OR52N2: variants seen among roughly 807,000 people sequenced by gnomAD.
OR52N2 encodes olfactory receptor 52N2.
For synonymous variants in OR52N2, 129 were observed against 72.0 expected, an observed-to-expected ratio of 1.79 and a Z score of -4.01; for missense variants, 326 against 196.6, an observed-to-expected ratio of 1.66 and a Z score of -3.94.
At chr11:5,813,892 C>T (rs2134241179) in intron 1 of OR52N2, among the ~76,000 whole-genome samples, 1 of 152,244 alleles carries the variant, frequency 6.6e-6, no homozygotes, top group East Asian at 1.9e-4. Context: ...ATGCAACACA[C>T]CTCATTAACA....
At position 5,821,185 on chromosome 11, in the gene OR52N2, C is replaced by G; in HGVS notation, c.850C>G (p.Leu284Val). The G allele has an allele frequency of 1.3e-6, 1 of 781,020 alleles. No homozygotes were observed. The allele number at this position is 781,020 out of a possible 1,614,324, so 48.4% of individuals were successfully genotyped here. ...ACACATCATCGTGGCCAACCTTTAT[C>G]TGCTACTGCCTCCTACCATGAACCC... ...HIHIIVANLY[L>V]LLPPTMNPIV... Residue 284 changes from leucine to valine, a missense_variant, in exon 2 of 2, where the codon CTG becomes GTG. By Grantham distance (32) the Leu-to-Val change is conservative (BLOSUM62 1). Coordinates refer to ENST00000317037, the MANE Select transcript of OR52N2 (RefSeq NM_001005174.3).
At chr11:5,812,904 G>A (rs10838667) in intron 1 of OR52N2, among the ~76,000 whole-genome samples, 100,647 of 151,726 alleles carry the variant, frequency 0.66, 34,021 homozygotes, top group South Asian at 0.74. Flanking sequence ...AAAACTAGAA[G>A]CCAATAATAA....
chr11:5,820,005 A>C (rs1846433130), intron 1 of OR52N2, among the ~76,000 whole-genome samples: 1 of 152,286 alleles, frequency 6.6e-6, no homozygotes, highest in Non-Finnish European at 1.5e-5. Flanking sequence ...CCTAACTCAC[A>C]ATTTGTTATC....
intron 1 of OR52N2, among the ~76,000 whole-genome samples, chr11:5,813,479 T>A (rs926310561): frequency 6.6e-6 from 1 of 151,798 alleles, no homozygotes; most frequent in African/African-American, 2.4e-5. Context: ...CATAAAGAAA[T>A]AGAATATCTA....
At chr11:5,812,009 T>C (rs1417686509) in intron 1 of OR52N2, among the ~76,000 whole-genome samples, 1 of 151,604 alleles carries the variant, frequency 6.6e-6, no homozygotes, top group Non-Finnish European at 1.5e-5. Context: ...CACTCATAAG[T>C]GGGAATTGAA....
At chr11:5,816,642 C>T (rs1349010791) in intron 1 of OR52N2, among the ~76,000 whole-genome samples, 4 of 152,010 alleles carry the variant, frequency 2.6e-5, no homozygotes, top group Non-Finnish European at 5.9e-5. Context: ...CAGGCTCAAG[C>T]GACCCTCCCA....
intron 1 of OR52N2, among the ~76,000 whole-genome samples, chr11:5,809,327 GTCCCCCATGGGCTGTGTCAC>G (rs1183007977): frequency 6.6e-6 from 1 of 151,928 alleles, no homozygotes; most frequent in Non-Finnish European, 1.5e-5. Context: ...ATGGGCTGGG[GTCCCCCATGGGCTGTGTCAC>G]TCCCCCATGG....
intron 1 of OR52N2, among the ~76,000 whole-genome samples, chr11:5,817,211 G>C (rs1217960432): frequency 3.3e-5 from 5 of 152,102 alleles, no homozygotes; most frequent in Non-Finnish European, 7.4e-5. Context: ...GAGTTTATGG[G>C]AATGTTATGA....
intron 1 of OR52N2, among the ~76,000 whole-genome samples, chr11:5,819,695 T>C (rs1846430837): frequency 6.6e-6 from 1 of 152,226 alleles, no homozygotes; most frequent in Non-Finnish European, 1.5e-5. Flanking sequence ...ATGTATTCAC[T>C]CATTCACATA....
Position 5,820,509 on chromosome 11 carries a change from C to A in OR52N2, c.174C>A (p.His58Gln), listed in dbSNP as rs371684747. 1 of 778,314 alleles carries A rather than the reference C, an allele frequency of 1.3e-6. No homozygotes were observed. Among genetic ancestry groups the A allele is most frequent in the African/African-American group, 1.7e-5 (1 of 59,098 alleles). The allele number at this position is 778,314 out of a possible 1,614,324, so 48.2% of individuals were successfully genotyped here. A position where few individuals can be genotyped will look rare whatever the true frequency, so the allele number is the denominator to read the frequency against. The change falls in exon 2 of 2, where the codon CAC becomes CAA. Residue 58 changes from histidine to glutamine, a missense_variant. By Grantham distance (24) the His-to-Gln change is conservative. Coordinates refer to ENST00000317037, the MANE Select transcript of OR52N2 (RefSeq NM_001005174.3). ...TCATCAGCCATGAGGAGGCCCTGCA[C>A]CGGCCCATGTACTACTTCCTGGCCC... Reference protein sequence around the residue: ...ICLISHEEALHRPMYYFLALL... With the variant: ...ICLISHEEALQRPMYYFLALL...
chr11:5,817,498 CA>C (rs1326119089), intron 1 of OR52N2, among the ~76,000 whole-genome samples: 1 of 151,916 alleles, frequency 6.6e-6, no homozygotes, highest in African/African-American at 2.4e-5. Flanking sequence ...AATAAATATA[CA>C]AAAAAAGTTG....
At chr11:5,814,927 G>C (rs999396712) in intron 1 of OR52N2, among the ~76,000 whole-genome samples, 1 of 152,150 alleles carries the variant, frequency 6.6e-6, no homozygotes, top group Admixed American at 6.5e-5. Flanking sequence ...CACATATGTG[G>C]TAAAGTTACT....
rs1386777101 is a variant in OR52N2, at chr11:5,820,426, C to T, written c.91C>T (p.Leu31=). The change falls in exon 2 of 2, where the codon CTG becomes TTG. Residue 31 remains leucine, a synonymous_variant. Transcript: ENST00000317037. ...GLEATHIWIS[L]PFCFMYIIAV... The stretch of plus-strand genomic sequence containing the variant: ...GGAAGCCACACACATCTGGATCTCC[C>T]TGCCATTCTGCTTTATGTACATCAT... The T allele has an allele frequency of 2.6e-6, 2 of 780,742 alleles. No individual in the cohort carries two copies. The highest frequency in any genetic ancestry group is 2.7e-5 in the South Asian group (2 of 74,606). 48.4% of individuals were successfully genotyped at this position (780,742 alleles called of 1,614,324 possible). A position where few individuals can be genotyped will look rare whatever the true frequency, so the allele number is the denominator to read the frequency against.
chr11:5,815,374 C>T (rs1222309368), intron 1 of OR52N2, among the ~76,000 whole-genome samples: 1 of 151,738 alleles, frequency 6.6e-6, no homozygotes, highest in Non-Finnish European at 1.5e-5. Context: ...GCTCCTAAAC[C>T]TCAACAACAA....
chr11:5,815,114 A>G (rs1173345925), intron 1 of OR52N2, among the ~76,000 whole-genome samples: 1 of 152,006 alleles, frequency 6.6e-6, no homozygotes, highest in Admixed American at 6.6e-5. Context: ...AAATTATGAA[A>G]CTCTTGGAAG....
In OR52N2 at chr11:5,820,965, G is replaced by C; in HGVS notation, c.630G>C (p.Val210=). 1.3e-6 allele frequency: 1 copy of C among 781,030 alleles called. No individual in the cohort carries two copies. The highest frequency in any genetic ancestry group is 2.4e-6 in the Non-Finnish European group (1 of 418,128). 48.4% of individuals were successfully genotyped at this position (781,030 alleles called of 1,614,324 possible). A position where few individuals can be genotyped will look rare whatever the true frequency, so the allele number is the denominator to read the frequency against. ...TGATGGTTGCTCTCCTGATTGGTGT[G>C]TTTGATATCTGCTGTATCTCTGTAT... ...YGLMVALLIG[V]FDICCISVSY... The change falls in exon 2 of 2, where the codon GTG becomes GTC. Residue 210 remains valine, a synonymous_variant. Transcript: ENST00000317037.
chr11:5,814,946 GAGT>G (rs1846390339), intron 1 of OR52N2, among the ~76,000 whole-genome samples: 1 of 152,180 alleles, frequency 6.6e-6, no homozygotes, highest in Non-Finnish European at 1.5e-5. Flanking sequence ...CTTTTGACAA[GAGT>G]GTCAATATCA....
At position 5,820,418 on chromosome 11, in the gene OR52N2, G is replaced by A. The variant is rs865951553; in HGVS notation, c.83G>A (p.Trp28Ter). 7 of 780,714 alleles carry A rather than the reference G, an allele frequency of 9.0e-6. No homozygotes were observed. The African/African-American group carries it at 1.2e-4, about 13-fold the overall frequency. 48.4% of individuals were successfully genotyped at this position (780,714 alleles called of 1,614,324 possible). A position where few individuals can be genotyped will look rare whatever the true frequency, so the allele number is the denominator to read the frequency against. ...GVPGLEATHI[W>*]ISLPFCFMYI... ...CCTGGGCTGGAAGCCACACACATCTGGATCTCCCTGCCATTCTGCTTTATG... is the reference window on the plus strand; with the variant it reads ...CCTGGGCTGGAAGCCACACACATCTAGATCTCCCTGCCATTCTGCTTTATG... The change falls in exon 2 of 2, where the codon TGG (tryptophan) becomes TAG (stop). Residue 28 changes from tryptophan (W) to a stop codon, truncating the protein, a stop_gained. Coordinates refer to ENST00000317037, the MANE Select transcript of OR52N2 (RefSeq NM_001005174.3). LOFTEE classifies it low-confidence loss of function (END_TRUNC).
At chr11:5,814,629 G>T (rs1309469232) in intron 1 of OR52N2, among the ~76,000 whole-genome samples, 1 of 152,138 alleles carries the variant, frequency 6.6e-6, no homozygotes, top group East Asian at 1.9e-4. Context: ...CGATAGTATT[G>T]TTAGGATGTC....
Sources: gnomAD v4.1 joint callset for allele counts (sites outside exome capture counted in the v4.1 genomes callset) on GRCh38, gnomAD v4.1.1 for gene constraint, MANE v1.5 for transcripts, NCBI Gene and HGNC (gene_info 2026-07-23, HGNC 2026-07-21) for gene names.